TRPC7: variants seen among roughly 807,000 people sequenced by gnomAD.
TRPC7 encodes the protein transient receptor potential cation channel subfamily C member 7, also known as short transient receptor potential channel 7.
In TRPC7, 42 loss-of-function variants were observed where a neutral mutation model predicts 90.1. That is an observed-to-expected ratio of 0.47 (90% confidence interval 0.36 to 0.60). The LOEUF is 0.60. TRPC7 is among the 20% of genes least tolerant of loss of function. The pLI, the probability that TRPC7 is intolerant of heterozygous loss-of-function variation, is 0.00. For synonymous variants in TRPC7, 451 were observed against 436.3 expected, an observed-to-expected ratio of 1.03 and a Z score of -0.42; for missense variants, 955 against 1,112.3, an observed-to-expected ratio of 0.86 and a Z score of 2.01.
intron 4 of TRPC7, among the ~76,000 whole-genome samples, chr5:136,267,140 C>G (rs1489173643): frequency 1.3e-5 from 2 of 152,138 alleles, no homozygotes; most frequent in South Asian, 2.1e-4. Context: ...TCCTTTTGGC[C>G]TAGTGCCTGA....
rs1187167304 is a variant in TRPC7, at chr5:136,263,789, A to G, written c.1345+2431T>C. Among the ~76,000 whole-genome samples, 3 of 152,244 alleles carry G rather than the reference A, an allele frequency of 2.0e-5. No homozygotes were observed. In the East Asian group the frequency reaches 5.8e-4, roughly 29 times the overall value. ...CATGTTACATTTCAGTGATATACAC[A>G]AAAATATTTACAGAATAAATTTACA... On this transcript the variant is annotated intron_variant, in intron 5 of 11. Coordinates refer to ENST00000513104, the MANE Select transcript of TRPC7 (RefSeq NM_020389.3).
At chr5:136,277,170 A>G (rs565091523) in intron 3 of TRPC7, among the ~76,000 whole-genome samples, 1 of 152,350 alleles carries the variant, frequency 6.6e-6, no homozygotes, top group East Asian at 1.9e-4. Flanking sequence ...AGAAGGCCAG[A>G]AGAGCAGAAG....
At chr5:136,352,547 T>C (rs1251060357) in intron 2 of TRPC7, among the ~76,000 whole-genome samples, 1 of 152,140 alleles carries the variant, frequency 6.6e-6, no homozygotes, top group East Asian at 1.9e-4. Context: ...TGGTGGCTGT[T>C]ACCCAACTGA....
intron 2 of TRPC7, among the ~76,000 whole-genome samples, chr5:136,320,705 T>C (rs1476348581): frequency 6.6e-6 from 1 of 152,356 alleles, no homozygotes; most frequent in Non-Finnish European, 1.5e-5. Flanking sequence ...CCAGCCACTC[T>C]GGTGCCCCTG....
At chr5:136,305,671 T>C (rs1758597625) in intron 3 of TRPC7, among the ~76,000 whole-genome samples, 2 of 152,202 alleles carry the variant, frequency 1.3e-5, no homozygotes, top group South Asian at 4.1e-4. Context: ...CTGTCAGACA[T>C]AATTCCTCAG....
At position 136,247,510 on chromosome 5, in the gene TRPC7, G is replaced by A; in HGVS notation, c.1805C>T (p.Ser602Phe). 6.2e-7 allele frequency: 1 copy of A among 1,613,988 alleles called. No homozygotes were observed. The highest frequency in any genetic ancestry group is 2.2e-5 in the East Asian group (1 of 44,888). Residue 602 changes from serine (S) to phenylalanine (F), a missense_variant, in exon 7 of 12, where the codon TCT becomes TTT. Physicochemically the swap from Ser to Phe is radical, Grantham distance 155. Coordinates refer to ENST00000513104, the MANE Select transcript of TRPC7 (RefSeq NM_020389.3). This position sits in a 1 kb window ranked among gnomAD's most constrained non-coding sequence, Gnocchi z 4.2. ...AFMIGMFNLY[S>F]YYRGAKYNPA... Reference sequence around the variant, plus strand: ...GTTGTATTTGGCACCTCGGTAGTAAGAGTACAGGTTGAACATCCCAATCAT... The same window carrying A: ...GTTGTATTTGGCACCTCGGTAGTAAAAGTACAGGTTGAACATCCCAATCAT...
At chr5:136,245,076 C>T (rs544806484) in intron 7 of TRPC7, among the ~76,000 whole-genome samples, 1 of 152,200 alleles carries the variant, frequency 6.6e-6, no homozygotes, top group Non-Finnish European at 1.5e-5. Context: ...GAAGTTGGCT[C>T]TCTTAGTATT....
intron 11 of TRPC7, chr5:136,214,187 G>C (rs1755183356): frequency 6.6e-6 from 1 of 152,496 alleles, no homozygotes; most frequent in South Asian, 2.1e-4. Flanking sequence ...TCGCTGACAG[G>C]AGCTTCGTCA....
chr5:136,217,811 G>A (rs935492322), intron 10 of TRPC7, among the ~76,000 whole-genome samples: 1 of 152,024 alleles, frequency 6.6e-6, no homozygotes, highest in Non-Finnish European at 1.5e-5. Flanking sequence ...GAGGTCAGGA[G>A]TTCAAGACCA....
At chr5:136,264,912 C>T (rs1756975304) in intron 5 of TRPC7, among the ~76,000 whole-genome samples, 1 of 152,050 alleles carries the variant, frequency 6.6e-6, no homozygotes, top group South Asian at 2.1e-4. Context: ...TTTATAAAGT[C>T]CCTGGAAAGC....
intron 10 of TRPC7, among the ~76,000 whole-genome samples, chr5:136,221,896 C>T (rs372207399): frequency 1.3e-5 from 2 of 152,100 alleles, no homozygotes; most frequent in East Asian, 1.9e-4. Context: ...TTTGGGATAT[C>T]GCTTGTTTAC....
At chr5:136,238,581 G>T (rs1009017216) in intron 7 of TRPC7, among the ~76,000 whole-genome samples, 2 of 150,804 alleles carry the variant, frequency 1.3e-5, no homozygotes, top group Non-Finnish European at 1.5e-5. Context: ...TATCATCCTA[G>T]AACTGAATTT....
chr5:136,339,526 G>A (rs896372153), intron 2 of TRPC7, among the ~76,000 whole-genome samples: 1 of 152,076 alleles, frequency 6.6e-6, no homozygotes, highest in African/African-American at 2.4e-5. Context: ...TCAAACCTAA[G>A]ACTAATGTTT....
At chr5:136,355,564 C>T (rs563810474) in intron 2 of TRPC7, among the ~76,000 whole-genome samples, 25 of 152,066 alleles carry the variant, frequency 1.6e-4, no homozygotes, top group Admixed American at 4.6e-4. Flanking sequence ...TTTGGGAGGC[C>T]GAGGTGGGCA....
chr5:136,265,782 T>C (rs561358313), intron 5 of TRPC7, among the ~76,000 whole-genome samples: 2 of 152,250 alleles, frequency 1.3e-5, no homozygotes, highest in African/African-American at 2.4e-5. Flanking sequence ...TAGATGTATA[T>C]TTATTATCAC....
At chr5:136,214,384 A>G (rs1755192123) in intron 11 of TRPC7, 1 of 152,242 alleles carries the variant, frequency 6.6e-6, no homozygotes, top group African/African-American at 2.4e-5. Flanking sequence ...CTCGTGTGGG[A>G]GTCCACTGTC....
chr5:136,265,356 C>T (rs183381687), intron 5 of TRPC7, among the ~76,000 whole-genome samples: 2 of 152,074 alleles, frequency 1.3e-5, no homozygotes, highest in African/African-American at 4.8e-5. Context: ...AAAATATTCC[C>T]ATCAAATTGA....
intron 2 of TRPC7, among the ~76,000 whole-genome samples, chr5:136,334,569 C>A (rs1046014218): frequency 6.6e-6 from 1 of 152,220 alleles, no homozygotes; most frequent in Non-Finnish European, 1.5e-5. Flanking sequence ...AAAGCAACTC[C>A]AGGATGGCTT....
chr5:136,289,003 G>A (rs974956419), intron 3 of TRPC7, among the ~76,000 whole-genome samples: 1 of 152,190 alleles, frequency 6.6e-6, no homozygotes, highest in Non-Finnish European at 1.5e-5. Flanking sequence ...ATTTCAGCCT[G>A]ATGGTTACTG....
Sources: allele counts gnomAD v4.1 joint callset (sites outside exome capture counted in the v4.1 genomes callset), GRCh38; gene constraint gnomAD v4.1.1; non-coding constraint Gnocchi (gnomAD v3.1); transcripts MANE v1.5; gene names NCBI Gene and HGNC (gene_info 2026-07-23, HGNC 2026-07-21).